The following NUP37 variants were observed in gnomAD, a reference collection of about 807,000 sequenced individuals.
NUP37 encodes the protein nucleoporin 37, also known as nucleoporin Nup37.
Under a neutral mutation model 45.4 loss-of-function variants are expected in NUP37, and 33 were observed. The observed-to-expected ratio is 0.73, with a 90% CI of 0.55 to 0.97. The LOEUF is 0.97. Ranked by LOEUF, NUP37 falls within the 50% of genes least tolerant of loss-of-function variation. The pLI is 0.00. For missense variants in NUP37, 365 were observed against 389.7 expected (o/e 0.94, Z 0.53); for synonymous variants, 127 against 130.7 (o/e 0.97, Z 0.19).
chr12:102,102,679 G>C (rs1011791647), intron 3 of NUP37, among the ~76,000 whole-genome samples: 55 of 152,256 alleles, frequency 3.6e-4, no homozygotes, highest in African/African-American at 1.3e-3. Flanking sequence ...CACTGTTGTG[G>C]AGATTAATGT....
chr12:102,110,705 G>A lies in NUP37; in HGVS notation c.281+1403C>T, dbSNP rs542081776. Among the ~76,000 whole-genome samples the A allele has an allele frequency of 5.9e-4, 90 of 152,192 alleles. 1 individual carries two copies. Among genetic ancestry groups the A allele is most frequent in the Admixed American group, 1.1e-3 (17 of 15,288 alleles). ...AAAAATACCAAAATTAGCCAGGCATGATGATGGGCGCCTATAGTCCCAGCT... is the reference window on the plus strand; with the variant it reads ...AAAAATACCAAAATTAGCCAGGCATAATGATGGGCGCCTATAGTCCCAGCT... On this transcript the variant is annotated intron_variant, in intron 3 of 9. Coordinates refer to ENST00000552283, the MANE Select transcript of NUP37 (RefSeq NM_024057.4).
At chr12:102,099,865 A>C (rs963736028) in intron 4 of NUP37, among the ~76,000 whole-genome samples, 1 of 152,202 alleles carries the variant, frequency 6.6e-6, no homozygotes, top group Non-Finnish European at 1.5e-5. Flanking sequence ...TAATTACTTT[A>C]ATGGTTATCA....
intron 2 of NUP37, among the ~76,000 whole-genome samples, chr12:102,117,638 C>T (rs1357670735): frequency 2.0e-5 from 3 of 152,126 alleles, no homozygotes; most frequent in Admixed American, 2.0e-4. Context: ...CTGCTCGTAT[C>T]AATGACAACT....
At position 102,118,343 on chromosome 12, in the gene NUP37, G is replaced by A; in HGVS notation, c.156+20C>T. The A allele has an allele frequency of 6.2e-7, 1 of 1,602,362 alleles. No individual in the cohort carries two copies. ...AGTGAAATATGTTCACTGTCATTCG[G>A]TGCAGTTTTGTAGACTAACCTGAAA... On this transcript the variant is annotated intron_variant, in intron 2 of 9. Transcript: ENST00000552283.
chr12:102,118,405 A>T lies in NUP37; in HGVS notation c.114T>A (p.Tyr38Ter), dbSNP rs760002567. The part of the protein sequence containing the change: ...ENGDSGNLIA[Y>*]GGNNYVVIGT... ...CAATGACCACATAATTATTGCCACC[A>T]TATGCAATTAGGTTTCCTGAATCCC... Residue 38 changes from tyrosine (Y) to a stop codon, truncating the protein, a stop_gained, in exon 2 of 10, where the codon TAT (tyrosine) becomes TAA (stop). Coordinates refer to ENST00000552283, the MANE Select transcript of NUP37 (RefSeq NM_024057.4). LOFTEE classifies it high-confidence loss of function. 11 of 1,613,934 alleles carry T rather than the reference A, an allele frequency of 6.8e-6. No individual in the cohort carries two copies. Among genetic ancestry groups the T allele is most frequent in the African/African-American group, 1.3e-5 (1 of 74,914 alleles).
chr12:102,076,306 T>C (rs1290041217), intron 8 of NUP37, among the ~76,000 whole-genome samples: 1 of 152,208 alleles, frequency 6.6e-6, no homozygotes, highest in Non-Finnish European at 1.5e-5. Flanking sequence ...GGTTTTGCTG[T>C]TACTTAAAAA....
intron 3 of NUP37, among the ~76,000 whole-genome samples, chr12:102,104,643 G>C (rs1880072945): frequency 1.3e-5 from 2 of 152,090 alleles, no homozygotes; most frequent in Admixed American, 6.6e-5. Context: ...TTTGTGTAAA[G>C]TCCAATTTTA....
At chr12:102,103,902 A>C (rs1050070450) in intron 3 of NUP37, among the ~76,000 whole-genome samples, 10 of 152,198 alleles carry the variant, frequency 6.6e-5, no homozygotes, top group African/African-American at 2.4e-4. Flanking sequence ...CCCACAGGTA[A>C]CATCATTCTT....
In NUP37 at chr12:102,099,147, T is replaced by A. The variant is rs1236213502; in HGVS notation, c.408A>T (p.Glu136Asp). The change falls in exon 5 of 10, where the codon GAA (glutamate) becomes GAT (aspartate). Residue 136 changes from glutamate to aspartate, a missense_variant. Coordinates refer to ENST00000552283, the MANE Select transcript of NUP37 (RefSeq NM_024057.4). ...CACTCACACTTGCAATTTCTTGGCC[T>A]TCTTTGGGATCAAACACCAAACCAT... ...FINGLVFDPK[E>D]GQEIASVSDD... 9.3e-6 allele frequency: 15 copies of A among 1,613,998 alleles called. No individual in the cohort carries two copies. Among genetic ancestry groups the A allele is most frequent in the Middle Eastern group, 1.6e-4 (1 of 6,062 alleles).
chr12:102,097,009 G>T (rs1181588147), intron 5 of NUP37, among the ~76,000 whole-genome samples: 2 of 151,978 alleles, frequency 1.3e-5, no homozygotes, highest in Admixed American at 6.6e-5. Flanking sequence ...TTGCACATGG[G>T]TCTATGGGAA....
At chr12:102,084,078 T>C (rs1879403394) in intron 6 of NUP37, among the ~76,000 whole-genome samples, 1 of 152,190 alleles carries the variant, frequency 6.6e-6, no homozygotes, top group African/African-American at 2.4e-5. Flanking sequence ...GCAAGACCTA[T>C]GGAGCTGGGA....
intron 4 of NUP37, 78 bp downstream of exon 4, chr12:102,100,954 G>A: frequency 1.2e-6 from 1 of 810,592 alleles, no homozygotes; most frequent in South Asian, 1.8e-5. Flanking sequence ...TTTTAAATTG[G>A]AATAAATCCA....
chr12:102,116,192 C>T (rs1162773671), intron 2 of NUP37, among the ~76,000 whole-genome samples: 1 of 152,084 alleles, frequency 6.6e-6, no homozygotes, highest in Non-Finnish European at 1.5e-5. Flanking sequence ...CAACTTCTCC[C>T]TCTCTCATCT....
chr12:102,106,649 A>T (rs1267667922), intron 3 of NUP37, among the ~76,000 whole-genome samples: 1 of 152,244 alleles, frequency 6.6e-6, no homozygotes, highest in Admixed American at 6.5e-5. Context: ...CCTATATTTA[A>T]TTAACAATGA....
chr12:102,074,044 C>T lies in NUP37; in HGVS notation c.*310G>A, dbSNP rs952634326. On this transcript the variant is annotated 3_prime_UTR_variant, in exon 10 of 10. Transcript: ENST00000552283. ...TACTCAAAGTATAGAAAACAGGATA[C>T]ACTTCAAATACTCCTTTTTTGATAA... 6.1e-6 allele frequency: 1 copy of T among 162,986 alleles called. No homozygotes were observed. 10.1% of individuals were successfully genotyped at this position (162,986 alleles called of 1,614,324 possible). A position where few individuals can be genotyped will look rare whatever the true frequency, so the allele number is the denominator to read the frequency against.
At chr12:102,091,418 A>C (rs1470580839) in intron 5 of NUP37, among the ~76,000 whole-genome samples, 1 of 149,906 alleles carries the variant, frequency 6.7e-6, no homozygotes, top group African/African-American at 2.4e-5. Flanking sequence ...AAAAAAAAAA[A>C]AAAAAAAAAA....
intron 4 of NUP37, among the ~76,000 whole-genome samples, chr12:102,099,485 C>T (rs1879912119): frequency 6.6e-6 from 1 of 151,936 alleles, no homozygotes; most frequent in East Asian, 1.9e-4. Flanking sequence ...TTTATTGTAC[C>T]TGTCCTCATA....
At chr12:102,113,809 C>T (rs867725624) in intron 2 of NUP37, among the ~76,000 whole-genome samples, 2 of 152,106 alleles carry the variant, frequency 1.3e-5, no homozygotes, top group African/African-American at 4.8e-5. Context: ...TCCATTCACC[C>T]AGAATCTAAA....
intron 3 of NUP37, among the ~76,000 whole-genome samples, chr12:102,110,142 A>G (rs1418553337): frequency 6.6e-6 from 1 of 152,204 alleles, no homozygotes; most frequent in Non-Finnish European, 1.5e-5. Flanking sequence ...AAATATACCA[A>G]AAAAGCGTCA....
Sources: allele counts gnomAD v4.1 joint callset (sites outside exome capture counted in the v4.1 genomes callset), GRCh38; gene constraint gnomAD v4.1.1; transcripts MANE v1.5; gene names NCBI Gene and HGNC (gene_info 2026-07-23, HGNC 2026-07-21).